The following ASPH variants were observed in gnomAD, a reference collection of about 807,000 sequenced individuals.
ASPH encodes aspartyl/asparaginyl beta-hydroxylase.
Under a neutral mutation model 118.4 loss-of-function variants are expected in ASPH, and 100 were observed. That is an observed-to-expected ratio of 0.84 (90% CI 0.72 to 1.00). The LOEUF is 1.00. ASPH is among the 50% of genes least tolerant of loss of function. The pLI is 0.00. For missense variants in ASPH, 920 were observed against 919.5 expected (o/e 1.00, Z -0.01); for synonymous variants, 315 against 325.6 (o/e 0.97, Z 0.35).
intron 6 of ASPH, 39 bp downstream of exon 6, chr8:61,646,711 T>C (rs750204111): frequency 1.9e-6 from 3 of 1,580,432 alleles, no homozygotes; most frequent in African/African-American, 2.7e-5. Flanking sequence ...AAGTCATTGA[T>C]TATATTTTAT....
In ASPH at chr8:61,617,794, G is replaced by A. The variant is rs113262342; in HGVS notation, c.976+1184C>T. ...TTAAAAAATACAAAAATTAGTTGGC[G>A]TGGTGGCATGTGTCTGTAATCCCAG... On this transcript the variant is annotated intron_variant, in intron 14 of 24. Transcript: ENST00000379454. Among the ~76,000 whole-genome samples, 49 of 151,810 alleles carry A rather than the reference G, an allele frequency of 3.2e-4. 1 individual carries two copies. Among genetic ancestry groups the A allele is most frequent in the African/African-American group, 6.0e-4 (25 of 41,384 alleles).
At chr8:61,605,276 T>C (rs985157540) in intron 14 of ASPH, among the ~76,000 whole-genome samples, 1 of 152,222 alleles carries the variant, frequency 6.6e-6, no homozygotes, top group South Asian at 2.1e-4. Context: ...ACTCTTCTAT[T>C]GCATTTGGAC....
At chr8:61,540,981 C>T (rs1172960843) in intron 21 of ASPH, among the ~76,000 whole-genome samples, 3 of 151,854 alleles carry the variant, frequency 2.0e-5, no homozygotes, top group East Asian at 1.9e-4. Flanking sequence ...AATGAGAGGC[C>T]GGGCACGGTG....
intron 13 of ASPH, among the ~76,000 whole-genome samples, chr8:61,629,185 A>C (rs535336826): frequency 6.6e-6 from 1 of 152,350 alleles, no homozygotes; most frequent in South Asian, 2.1e-4. Flanking sequence ...ATTACCCAGA[A>C]ACCATGATGC....
intron 3 of ASPH, among the ~76,000 whole-genome samples, chr8:61,678,801 T>C (rs927299155): frequency 2.6e-5 from 4 of 152,136 alleles, no homozygotes; most frequent in African/African-American, 9.7e-5. Flanking sequence ...CCTAAACCCT[T>C]AAAGTTTAAA....
At chr8:61,609,128 C>T (rs1295859397) in intron 14 of ASPH, among the ~76,000 whole-genome samples, 1 of 152,214 alleles carries the variant, frequency 6.6e-6, no homozygotes, top group East Asian at 1.9e-4. Flanking sequence ...GCTCTCCTGG[C>T]ACTGAGCTCA....
At chr8:61,661,098 T>C (rs1247238256) in intron 3 of ASPH, 1 of 152,232 alleles carries the variant, frequency 6.6e-6, no homozygotes, top group African/African-American at 2.4e-5. Flanking sequence ...ACGGCTTCAC[T>C]CATGTGCAAC....
rs1827771117 is a variant in ASPH at position 61,681,006 on chromosome 8, T to C, written c.284A>G (p.Asp95Gly). The change falls in exon 3 of 25, where the codon GAT (aspartate) becomes GGT (glycine). Residue 95 changes from aspartate to glycine, a missense_variant. Physicochemically the swap from Asp to Gly is moderately conservative, Grantham distance 94 (BLOSUM62 -1). Coordinates refer to ENST00000379454, the MANE Select transcript of ASPH (RefSeq NM_004318.4). ...GKLGIYDADGDGDFDVDDAKV... is the reference protein window; with the variant it reads ...GKLGIYDADGGGDFDVDDAKV... ...GGCATCATCCACATCAAAATCTCCATCACCATCAGCATCATAGATTCCTAG... is the reference window on the plus strand; with the variant it reads ...GGCATCATCCACATCAAAATCTCCACCACCATCAGCATCATAGATTCCTAG... 1 of 1,605,938 alleles carries C rather than the reference T, an allele frequency of 6.2e-7. No homozygotes were observed. The highest frequency in any genetic ancestry group is 1.3e-5 in the African/African-American group (1 of 74,568).
chr8:61,595,926 G>A lies in ASPH; in HGVS notation c.977-11897C>T, dbSNP rs1842384142. Among the ~76,000 whole-genome samples, 3 of 152,144 alleles carry A rather than the reference G, an allele frequency of 2.0e-5. No homozygotes were observed. In the South Asian group the frequency reaches 6.2e-4, roughly 32 times the overall value. Reference sequence around the variant, plus strand: ...CTGCAGGCACCCATGCATGCTGTCTGGGGATCTGAAGATAGATCCACCCCA... The same window carrying A: ...CTGCAGGCACCCATGCATGCTGTCTAGGGATCTGAAGATAGATCCACCCCA... On this transcript the variant is annotated intron_variant, in intron 14 of 24. Transcript: ENST00000379454.
At chr8:61,626,218 G>C in intron 13 of ASPH, 2 of 1,483,232 alleles carry the variant, frequency 1.3e-6, no homozygotes, top group African/African-American at 1.4e-5. Flanking sequence ...CCATCTTTTG[G>C]AGCGTATGGT....
At chr8:61,566,416 C>G (rs1831689187) in intron 17 of ASPH, among the ~76,000 whole-genome samples, 1 of 152,172 alleles carries the variant, frequency 6.6e-6, no homozygotes, top group Admixed American at 6.5e-5. Context: ...AAAGTGGTTT[C>G]TTGAGACTGA....
intron 14 of ASPH, among the ~76,000 whole-genome samples, chr8:61,590,589 T>C (rs938015766): frequency 4.0e-5 from 6 of 148,914 alleles, no homozygotes; most frequent in Admixed American, 3.4e-4. Context: ...TGTGTGTGTA[T>C]GAATTTCTCC....
At chr8:61,504,498 AT>A (rs1005386199) in intron 24 of ASPH, among the ~76,000 whole-genome samples, 7 of 152,168 alleles carry the variant, frequency 4.6e-5, no homozygotes, top group African/African-American at 1.7e-4. Context: ...CTAGTGGTGA[AT>A]TTTTATGTTC....
At chr8:61,520,822 A>G (rs1394150909) in intron 22 of ASPH, among the ~76,000 whole-genome samples, 1 of 152,216 alleles carries the variant, frequency 6.6e-6, no homozygotes, top group Non-Finnish European at 1.5e-5. Context: ...CAGGTGGCTG[A>G]GCATGTGCTA....
intron 3 of ASPH, chr8:61,675,960 G>A: frequency 6.6e-7 from 1 of 1,517,620 alleles, no homozygotes. Context: ...GACTTGCACG[G>A]TAAGATCACA....
In ASPH at chr8:61,601,064, T is replaced by C. The variant is rs554019744; in HGVS notation, c.977-17035A>G. Among the ~76,000 whole-genome samples, 11 of 151,444 alleles carry C rather than the reference T, an allele frequency of 7.3e-5. No individual in the cohort carries two copies. In the South Asian group the frequency reaches 2.3e-3, roughly 31 times the overall value. Reference sequence around the variant, plus strand: ...AGAACATAATAATCTAAATGTTCATTCCCCTAGTTACAGAACTTTAAAATC... The same window carrying C: ...AGAACATAATAATCTAAATGTTCATCCCCCTAGTTACAGAACTTTAAAATC... On this transcript the variant is annotated intron_variant, in intron 14 of 24. Coordinates refer to ENST00000379454, the MANE Select transcript of ASPH (RefSeq NM_004318.4).
At chr8:61,686,823 A>T (rs1017109047) in intron 1 of ASPH, among the ~76,000 whole-genome samples, 1 of 152,180 alleles carries the variant, frequency 6.6e-6, no homozygotes, top group Non-Finnish European at 1.5e-5. Flanking sequence ...CCTCTTGAAC[A>T]TTCTGTAGCT....
intron 14 of ASPH, among the ~76,000 whole-genome samples, chr8:61,601,730 C>T (rs1447656701): frequency 6.6e-6 from 1 of 150,944 alleles, no homozygotes; most frequent in Non-Finnish European, 1.5e-5. Context: ...GATACTCCAC[C>T]AGACCGATCA....
intron 14 of ASPH, among the ~76,000 whole-genome samples, chr8:61,612,886 CTT>C (rs1002695290): frequency 2.0e-4 from 31 of 152,200 alleles, no homozygotes; most frequent in African/African-American, 6.8e-4. Flanking sequence ...TTTGTAGACA[CTT>C]AAAGTTAATT....
Sources: allele counts gnomAD v4.1 joint callset (sites outside exome capture counted in the v4.1 genomes callset), GRCh38; gene constraint gnomAD v4.1.1; transcripts MANE v1.5; gene names NCBI Gene and HGNC (gene_info 2026-07-23, HGNC 2026-07-21).